The following ATAD1 variants were observed in gnomAD, a reference collection of about 807,000 sequenced individuals.
ATAD1 encodes outer mitochondrial transmembrane helix translocase.
ATAD1 carries 18 observed loss-of-function variants against 42.7 expected under a neutral mutation model. The ratio of observed to expected loss-of-function variants is 0.42; its 90% CI spans 0.29 to 0.63. The LOEUF (loss-of-function observed/expected upper bound fraction) is 0.63. Among genes scored for constraint, ATAD1 ranks in the 20% least tolerant of loss-of-function variants. ATAD1 has a pLI of 0.19. For missense variants in ATAD1, 294 were observed against 440.4 expected (o/e 0.67, Z 2.98); for synonymous variants, 132 against 143.1 (o/e 0.92, Z 0.55).
At chr10:87,827,852 G>A (rs1415237716) in intron 1 of ATAD1, among the ~76,000 whole-genome samples, 2 of 152,206 alleles carry the variant, frequency 1.3e-5, no homozygotes, top group East Asian at 1.9e-4. Flanking sequence ...ATTAAGCTTA[G>A]TGAAAAAAGG....
intron 7 of ATAD1, among the ~76,000 whole-genome samples, chr10:87,768,574 GA>G (rs1178521044): frequency 7.9e-5 from 12 of 151,684 alleles, no homozygotes; most frequent in South Asian, 2.1e-4. Context: ...TATTACATAA[GA>G]AAAAAAACTA....
In ATAD1 at chr10:87,810,959, A is replaced by G. The variant is rs139249883; in HGVS notation, c.162+3479T>C. Among the ~76,000 whole-genome samples the G allele has an allele frequency of 4.6e-5, 7 of 152,330 alleles. No homozygotes were observed. In the East Asian group the frequency reaches 1.3e-3, roughly 29 times the overall value. On this transcript the variant is annotated intron_variant, in intron 2 of 9. Transcript: ENST00000680024. ...CTCTCAAGGTAAAGGCTGGCAATCAAGCTCACCTTAGCTTTCTGAAATTTT... is the reference window on the plus strand; with the variant it reads ...CTCTCAAGGTAAAGGCTGGCAATCAGGCTCACCTTAGCTTTCTGAAATTTT...
chr10:87,784,422 T>A (rs1855720668), intron 5 of ATAD1, 48 bp downstream of exon 5: 2 of 1,550,222 alleles, frequency 1.3e-6, no homozygotes, highest in East Asian at 2.3e-5. Context: ...TATCTAAATA[T>A]CTCTAAAAAT....
At chr10:87,823,972 A>G (rs1762096102) in intron 1 of ATAD1, among the ~76,000 whole-genome samples, 1 of 152,236 alleles carries the variant, frequency 6.6e-6, no homozygotes, top group African/African-American at 2.4e-5. Flanking sequence ...GAGGTCTTTT[A>G]TCTTCTAAGC....
intron 8 of ATAD1, among the ~76,000 whole-genome samples, chr10:87,761,329 C>T (rs1034377668): frequency 6.6e-6 from 1 of 152,158 alleles, no homozygotes; most frequent in Non-Finnish European, 1.5e-5. Context: ...TGATTAGAGA[C>T]TATACTTTGT....
intron 8 of ATAD1, among the ~76,000 whole-genome samples, chr10:87,758,501 T>G (rs987675335): frequency 1.3e-5 from 2 of 152,070 alleles, no homozygotes; most frequent in Admixed American, 6.6e-5. Context: ...GCAAATAGAC[T>G]AAACTTGGCT....
At chr10:87,776,719 C>T (rs1447102323) in intron 5 of ATAD1, among the ~76,000 whole-genome samples, 1 of 152,042 alleles carries the variant, frequency 6.6e-6, no homozygotes, top group African/African-American at 2.4e-5. Context: ...ATTCTCCTGC[C>T]TTGGCCTCTC....
intron 9 of ATAD1, among the ~76,000 whole-genome samples, chr10:87,755,864 T>C (rs527413260): frequency 6.6e-6 from 1 of 152,158 alleles, no homozygotes; most frequent in Admixed American, 6.5e-5. Context: ...ATCACACCAC[T>C]TCACTCCAGC....
Position 87,802,646 on chromosome 10 carries a change from A to G in ATAD1, c.163-9891T>C, listed in dbSNP as rs141668092. 3.9e-4 allele frequency among the ~76,000 whole-genome samples: 59 copies of G among 151,648 alleles called. 2 individuals are homozygous for G. The highest frequency in any genetic ancestry group is 5.9e-4 in the Non-Finnish European group (40 of 67,810). On this transcript the variant is annotated intron_variant, in intron 2 of 9. Coordinates refer to ENST00000680024, the MANE Select transcript of ATAD1 (RefSeq NM_001321967.2). ...TGACAGAGCAAGACTATGTCACGAA[A>G]AAAAAAAAAAGCCTATGTAACAAAA...
At chr10:87,803,853 C>G (rs1268079120) in intron 2 of ATAD1, among the ~76,000 whole-genome samples, 1 of 146,634 alleles carries the variant, frequency 6.8e-6, no homozygotes, top group South Asian at 2.1e-4. Flanking sequence ...GTTTTTTCTC[C>G]TCTGATTCCC....
At position 87,770,979 on chromosome 10, in the gene ATAD1, C is replaced by T; in HGVS notation, c.753G>A (p.Met251Ile). Residue 251 changes from methionine to isoleucine, a missense_variant, in exon 7 of 10, where the codon ATG becomes ATA. Met to Ile is a conservative substitution (Grantham distance 10). Coordinates refer to ENST00000680024, the MANE Select transcript of ATAD1 (RefSeq NM_001321967.2). ...GCTGGTTGATATGAAATCTTGTAGG[C>T]ATTCTTCTCATTATAGCCGAGTCAA... ...QDLDSAIMRR[M>I]PTRFHINQPA... 1 of 1,613,486 alleles carries T rather than the reference C, an allele frequency of 6.2e-7. No homozygotes were observed. Among genetic ancestry groups the T allele is most frequent in the South Asian group, 1.1e-5 (1 of 91,028 alleles).
chr10:87,826,869 A>C (rs1345686697), intron 1 of ATAD1, among the ~76,000 whole-genome samples: 2 of 152,194 alleles, frequency 1.3e-5, no homozygotes, highest in Non-Finnish European at 2.9e-5. Context: ...CTTCAGTTGA[A>C]TCAATCAGAA....
At chr10:87,798,488 G>A (rs1856507690) in intron 2 of ATAD1, among the ~76,000 whole-genome samples, 1 of 151,874 alleles carries the variant, frequency 6.6e-6, no homozygotes, top group South Asian at 2.1e-4. Context: ...ATTTCTGGCT[G>A]CTTTGAATCT....
chr10:87,811,692 A>G (rs1857192613), intron 2 of ATAD1, among the ~76,000 whole-genome samples: 1 of 152,220 alleles, frequency 6.6e-6, no homozygotes, highest in African/African-American at 2.4e-5. Flanking sequence ...TGATATCTAC[A>G]CATACAGGAA....
At chr10:87,756,013 C>T (rs1390218734) in intron 9 of ATAD1, among the ~76,000 whole-genome samples, 1 of 152,174 alleles carries the variant, frequency 6.6e-6, no homozygotes, top group Non-Finnish European at 1.5e-5. Flanking sequence ...TTCATGCAGA[C>T]CTTTCTATAT....
chr10:87,802,488 C>G (rs887362672), intron 2 of ATAD1, among the ~76,000 whole-genome samples: 3 of 151,988 alleles, frequency 2.0e-5, no homozygotes, highest in Admixed American at 2.0e-4. Context: ...TTCTATGGAA[C>G]AAAGTTCTAT....
Position 87,770,978 on chromosome 10 carries a change from G to C in ATAD1, c.754C>G (p.Pro252Ala). 6.2e-7 allele frequency: 1 copy of C among 1,613,392 alleles called. No individual in the cohort carries two copies. The highest frequency in any genetic ancestry group is 8.5e-7 in the Non-Finnish European group (1 of 1,179,586). The change falls in exon 7 of 10, where the codon CCT becomes GCT. Residue 252 changes from proline to alanine, a missense_variant. Coordinates refer to ENST00000680024, the MANE Select transcript of ATAD1 (RefSeq NM_001321967.2). ...GGCTGGTTGATATGAAATCTTGTAGGCATTCTTCTCATTATAGCCGAGTCA... is the reference window on the plus strand; with the variant it reads ...GGCTGGTTGATATGAAATCTTGTAGCCATTCTTCTCATTATAGCCGAGTCA... ...DLDSAIMRRM[P>A]TRFHINQPAL...
At chr10:87,762,476 T>C (rs1854525794) in intron 8 of ATAD1, among the ~76,000 whole-genome samples, 2 of 152,004 alleles carry the variant, frequency 1.3e-5, no homozygotes, top group Non-Finnish European at 1.5e-5. Context: ...CACTTTTTTT[T>C]TTTTTGAGAC....
chr10:87,761,696 A>G (rs1004311462), intron 8 of ATAD1, among the ~76,000 whole-genome samples: 2 of 152,112 alleles, frequency 1.3e-5, no homozygotes, highest in African/African-American at 4.8e-5. Flanking sequence ...ATAATCCTAA[A>G]AGAATTTCCA....
Sources: allele counts gnomAD v4.1 joint callset (sites outside exome capture counted in the v4.1 genomes callset), GRCh38; gene constraint gnomAD v4.1.1; transcripts MANE v1.5; gene names NCBI Gene and HGNC (gene_info 2026-07-23, HGNC 2026-07-21).